Variants in PABPC4L observed in about 807,000 individuals in gnomAD.
The protein encoded by PABPC4L is poly(A) binding protein cytoplasmic 4 like, also known as polyadenylate-binding protein 4-like.
For synonymous variants in PABPC4L, 169 were observed against 164.1 expected (o/e 1.03, Z -0.23); for missense variants, 452 against 451.4 (o/e 1.00, Z -0.01).
the PABPC4L span, among the ~76,000 whole-genome samples, chr4:134,109,291 T>G: frequency 6.6e-6 from 1 of 151,966 alleles, no homozygotes; most frequent in Non-Finnish European, 1.5e-5. Flanking sequence ...TTTTTTCTAT[T>G]AAAACATTTG....
At chr4:134,084,828 A>G in the PABPC4L span, among the ~76,000 whole-genome samples, 1 of 152,162 alleles carries the variant, frequency 6.6e-6, no homozygotes, top group African/African-American at 2.4e-5. Flanking sequence ...AACTTTCTCC[A>G]TAATTCAGCT....
the PABPC4L span, among the ~76,000 whole-genome samples, chr4:133,978,445 A>AAAT: frequency 2.0e-5 from 3 of 152,034 alleles, no homozygotes; most frequent in Non-Finnish European, 4.4e-5. Flanking sequence ...TCATCTCTAC[A>AAAT]AATAATAATA....
chr4:134,165,909 A>C, the PABPC4L span, among the ~76,000 whole-genome samples: 992 of 152,296 alleles, frequency 6.5e-3, 10 homozygotes, highest in African/African-American at 0.022. Context: ...GAGTGGATTA[A>C]AAAAATGTGG....
At chr4:134,026,427 T>C in the PABPC4L span, among the ~76,000 whole-genome samples, 3 of 152,130 alleles carry the variant, frequency 2.0e-5, no homozygotes, top group Non-Finnish European at 4.4e-5. Flanking sequence ...TTAGTAGAGA[T>C]GGGGTTTCAC....
At chr4:134,185,934 C>T in the PABPC4L span, among the ~76,000 whole-genome samples, 1 of 152,090 alleles carries the variant, frequency 6.6e-6, no homozygotes, top group African/African-American at 2.4e-5. Context: ...CTCCCATTCA[C>T]AATTGCTACA....
At chr4:134,006,097 C>T in the PABPC4L span, among the ~76,000 whole-genome samples, 2 of 151,674 alleles carry the variant, frequency 1.3e-5, no homozygotes, top group Non-Finnish European at 2.9e-5. Flanking sequence ...CTAAAATCAT[C>T]CTGTTTCTTT....
At chr4:134,154,342 G>A in the PABPC4L span, among the ~76,000 whole-genome samples, 1 of 152,168 alleles carries the variant, frequency 6.6e-6, no homozygotes, top group African/African-American at 2.4e-5. Flanking sequence ...TGTAGTCCCA[G>A]CTACTTGGGA....
At chr4:134,136,922 G>A in the PABPC4L span, among the ~76,000 whole-genome samples, 1 of 152,030 alleles carries the variant, frequency 6.6e-6, no homozygotes, top group Non-Finnish European at 1.5e-5. Context: ...TTGAGGCTAA[G>A]TATCCCTTAG....
chr4:134,171,625 A>T, the PABPC4L span, among the ~76,000 whole-genome samples: 1 of 152,174 alleles, frequency 6.6e-6, no homozygotes, highest in Non-Finnish European at 1.5e-5. Flanking sequence ...AAGGTCGCCC[A>T]CTGTCATGAT....
At chr4:134,157,240 A>T in the PABPC4L span, among the ~76,000 whole-genome samples, 10 of 150,198 alleles carry the variant, frequency 6.7e-5, no homozygotes, top group African/African-American at 4.9e-5. Context: ...TTATTGTTTT[A>T]TTCAAAATTC....
At chr4:134,156,438 G>C in the PABPC4L span, among the ~76,000 whole-genome samples, 3 of 151,746 alleles carry the variant, frequency 2.0e-5, no homozygotes, top group Non-Finnish European at 4.4e-5. Context: ...TTCTTGATTA[G>C]CTCTCCAAGG....
At chr4:134,044,919 C>A in the PABPC4L span, among the ~76,000 whole-genome samples, 3 of 152,004 alleles carry the variant, frequency 2.0e-5, no homozygotes, top group Non-Finnish European at 4.4e-5. Flanking sequence ...TGAGATAATT[C>A]CTTACAAAAA....
the PABPC4L span, among the ~76,000 whole-genome samples, chr4:134,052,192 A>C: frequency 1.3e-5 from 2 of 152,124 alleles, no homozygotes; most frequent in East Asian, 3.9e-4. Context: ...GGTTAATTTC[A>C]AAGTAGGTTG....
At chr4:133,960,423 T>C in the PABPC4L span, among the ~76,000 whole-genome samples, 1 of 152,068 alleles carries the variant, frequency 6.6e-6, no homozygotes, top group African/African-American at 2.4e-5. Context: ...CCTGGGAGCT[T>C]GCTGGGTCCT....
chr4:133,951,186 C>T, the PABPC4L span, among the ~76,000 whole-genome samples: 1 of 152,184 alleles, frequency 6.6e-6, no homozygotes, highest in Non-Finnish European at 1.5e-5. Context: ...CATCCACAAG[C>T]AGCCTTATCT....
the PABPC4L span, among the ~76,000 whole-genome samples, chr4:133,952,571 A>T: frequency 6.6e-6 from 1 of 152,138 alleles, no homozygotes. Context: ...CTGGTTGAAG[A>T]ACTTTCCTCC....
the PABPC4L span, among the ~76,000 whole-genome samples, chr4:133,978,549 G>T: frequency 0.15 from 22,882 of 151,324 alleles, 2,146 homozygotes; most frequent in African/African-American, 0.25. Context: ...CCGGGAGGTG[G>T]AGGCTGTGTG....
the PABPC4L span, among the ~76,000 whole-genome samples, chr4:134,091,548 A>C: frequency 6.6e-6 from 1 of 152,000 alleles, no homozygotes; most frequent in Non-Finnish European, 1.5e-5. Context: ...AAAAGGTAGT[A>C]GGCATTTTGC....
chr4:134,178,782 T>C, the PABPC4L span, among the ~76,000 whole-genome samples: 511 of 151,976 alleles, frequency 3.4e-3, 5 homozygotes, highest in African/African-American at 0.012. Flanking sequence ...ATCAACTGAG[T>C]TGAGAAAAGA....
Sources: allele counts gnomAD v4.1 joint callset (sites outside exome capture counted in the v4.1 genomes callset), GRCh38; gene constraint gnomAD v4.1.1; transcripts MANE v1.5; gene names NCBI Gene and HGNC (gene_info 2026-07-23, HGNC 2026-07-21).